Variants in ENOX1 observed in about 807,000 individuals in gnomAD.
ENOX1 encodes ecto-NOX disulfide-thiol exchanger 1.
A neutral mutation model predicts 82.5 loss-of-function variants in ENOX1; 42 were observed. The ratio of observed to expected loss-of-function variants is 0.51; its 90% CI spans 0.40 to 0.66. The LOEUF is 0.66. Ranked by LOEUF, ENOX1 falls within the 30% of genes least tolerant of loss-of-function variation. The pLI is 0.00. For missense variants in ENOX1, 608 were observed against 811.6 expected, an observed-to-expected ratio of 0.75 and a Z score of 3.05; for synonymous variants, 271 against 282.2, an observed-to-expected ratio of 0.96 and a Z score of 0.40.
chr13:43,489,622 T>TA (rs2076552379), intron 2 of ENOX1, among the ~76,000 whole-genome samples: 1 of 152,076 alleles, frequency 6.6e-6, no homozygotes, highest in Non-Finnish European at 1.5e-5. Context: ...GGTTCACTCA[T>TA]AAAATCCCAT....
At chr13:43,687,945 G>A (rs2153801659) in intron 1 of ENOX1, among the ~76,000 whole-genome samples, 1 of 152,226 alleles carries the variant, frequency 6.6e-6, no homozygotes, top group African/African-American at 2.4e-5. Flanking sequence ...GAGAATGTAG[G>A]AAGGGGGAGG....
chr13:43,707,266 T>G (rs571926349), intron 1 of ENOX1, among the ~76,000 whole-genome samples: 23 of 152,124 alleles, frequency 1.5e-4, no homozygotes, highest in Non-Finnish European at 2.5e-4. Flanking sequence ...AAGACCTATG[T>G]AAATGAATAG....
intron 3 of ENOX1, among the ~76,000 whole-genome samples, chr13:43,470,492 T>C (rs1020053909): frequency 6.8e-6 from 1 of 147,968 alleles, no homozygotes; most frequent in Non-Finnish European, 1.5e-5. Context: ...CCTGATAAAT[T>C]AGACCTCAAA....
chr13:43,433,445 G>C (rs2055808063), intron 3 of ENOX1, among the ~76,000 whole-genome samples: 1 of 152,126 alleles, frequency 6.6e-6, no homozygotes, highest in Non-Finnish European at 1.5e-5. Context: ...TTCAACATGA[G>C]TGTTGGTGGG....
intron 1 of ENOX1, among the ~76,000 whole-genome samples, chr13:43,753,464 T>C (rs1254446043): frequency 6.6e-6 from 1 of 152,214 alleles, no homozygotes; most frequent in East Asian, 1.9e-4. Context: ...TGACTGTTCA[T>C]TGCTGGTATA....
Position 43,561,809 on chromosome 13 carries a change from C to T in ENOX1, c.-218-77657G>A, listed in dbSNP as rs114391833. 2.6e-3 allele frequency among the ~76,000 whole-genome samples: 394 copies of T among 152,012 alleles called. 1 individual carries two copies. The highest frequency in any genetic ancestry group is 8.9e-3 in the African/African-American group (371 of 41,466). ...CAGCTTGGGCTACATGGTGAAATCC[C>T]GTCTCTACAAAAATACAAAAATTAG... On this transcript the variant is annotated intron_variant, in intron 2 of 16. Transcript: ENST00000690772.
At chr13:43,366,672 CAAG>C (rs903834709) in intron 5 of ENOX1, among the ~76,000 whole-genome samples, 3 of 152,066 alleles carry the variant, frequency 2.0e-5, no homozygotes, top group African/African-American at 7.2e-5. Context: ...CATGGTCATC[CAAG>C]AAGAACACCT....
At chr13:43,713,962 A>C (rs2087919907) in intron 1 of ENOX1, among the ~76,000 whole-genome samples, 1 of 144,036 alleles carries the variant, frequency 6.9e-6, no homozygotes, top group Non-Finnish European at 1.5e-5. Flanking sequence ...CTAGCTTTTG[A>C]ATGTGTTTGC....
intron 2 of ENOX1, among the ~76,000 whole-genome samples, chr13:43,653,050 A>G (rs914385675): frequency 1.2e-4 from 19 of 152,308 alleles, no homozygotes; most frequent in Admixed American, 1.2e-3. Context: ...GCAGGCAGAG[A>G]GGCTACAGAG....
chr13:43,519,995 T>C (rs1205155585), intron 2 of ENOX1, among the ~76,000 whole-genome samples: 1 of 152,156 alleles, frequency 6.6e-6, no homozygotes, highest in Non-Finnish European at 1.5e-5. Flanking sequence ...AAGTATTTAC[T>C]AACGTAACTG....
At chr13:43,490,330 T>C (rs1424253495) in intron 2 of ENOX1, among the ~76,000 whole-genome samples, 1 of 152,210 alleles carries the variant, frequency 6.6e-6, no homozygotes. Context: ...ACATGAATTA[T>C]GCCTTGAGTC....
intron 2 of ENOX1, among the ~76,000 whole-genome samples, chr13:43,576,121 CAGAGTTAATTGTTTA>C (rs1402100194): frequency 6.6e-6 from 1 of 152,108 alleles, no homozygotes; most frequent in African/African-American, 2.4e-5. Flanking sequence ...AAAAAGCAAC[CAGAGTTAATTGTTTA>C]AGAAGTGCAT....
At chr13:43,659,392 A>C (rs1566723418) in intron 2 of ENOX1, among the ~76,000 whole-genome samples, 1 of 151,940 alleles carries the variant, frequency 6.6e-6, no homozygotes, top group African/African-American at 2.4e-5. Context: ...AGGGAGGCTG[A>C]GGTGGGAGAA....
At chr13:43,488,205 G>A (rs985615610) in intron 2 of ENOX1, among the ~76,000 whole-genome samples, 2 of 152,158 alleles carry the variant, frequency 1.3e-5, no homozygotes, top group Admixed American at 6.5e-5. Flanking sequence ...AGTGTGAAGA[G>A]GTATAGCCTT....
chr13:43,443,848 A>G (rs2056488751), intron 3 of ENOX1, among the ~76,000 whole-genome samples: 1 of 152,208 alleles, frequency 6.6e-6, no homozygotes, highest in Admixed American at 6.5e-5. Flanking sequence ...CACACATGCC[A>G]AGTTTTTCAG....
At chr13:43,631,992 T>G (rs988607783) in intron 2 of ENOX1, among the ~76,000 whole-genome samples, 4 of 152,230 alleles carry the variant, frequency 2.6e-5, no homozygotes, top group African/African-American at 9.6e-5. Context: ...TCTGTCACCC[T>G]ACTTTAAAAC....
chr13:43,663,436 G>A (rs982259991), intron 2 of ENOX1, among the ~76,000 whole-genome samples: 14 of 152,060 alleles, frequency 9.2e-5, no homozygotes, highest in African/African-American at 3.1e-4. Context: ...CATTTAGAAT[G>A]TTCTCTCTCT....
intron 15 of ENOX1, among the ~76,000 whole-genome samples, chr13:43,224,997 G>C (rs1399715917): frequency 3.9e-5 from 6 of 152,150 alleles, no homozygotes; most frequent in Non-Finnish European, 8.8e-5. Context: ...TGTTATTCAC[G>C]ATAGCAAAAA....
chr13:43,705,600 T>C (rs574109938), intron 1 of ENOX1, among the ~76,000 whole-genome samples: 4 of 152,126 alleles, frequency 2.6e-5, no homozygotes, highest in African/African-American at 7.2e-5. Context: ...AATTTCATAA[T>C]GACAAGGGGG....
Sources: allele counts gnomAD v4.1 joint callset (sites outside exome capture counted in the v4.1 genomes callset), GRCh38; gene constraint gnomAD v4.1.1; transcripts MANE v1.5; gene names NCBI Gene and HGNC (gene_info 2026-07-23, HGNC 2026-07-21).